Variants in KITLG observed in about 807,000 individuals in gnomAD.
The protein encoded by KITLG is c-Kit ligand.
In KITLG, 13 loss-of-function variants were observed where a neutral mutation model predicts 34.1. The ratio of observed to expected loss-of-function variants is 0.38; its 90% CI spans 0.25 to 0.61. KITLG has a LOEUF of 0.61. Ranked by LOEUF, KITLG falls within the 20% of genes least tolerant of loss-of-function variation. KITLG has a pLI of 0.60. For missense variants in KITLG, 292 were observed against 318.9 expected (o/e 0.92, Z 0.64); for synonymous variants, 110 against 104.0 (o/e 1.06, Z -0.35).
intron 2 of KITLG, among the ~76,000 whole-genome samples, chr12:88,536,352 A>G (rs1870316107): frequency 2.0e-5 from 3 of 152,092 alleles, no homozygotes; most frequent in African/African-American, 7.2e-5. Flanking sequence ...ATAAGACACC[A>G]TCTCATAGGG....
intron 6 of KITLG, among the ~76,000 whole-genome samples, chr12:88,510,878 C>T (rs1477636729): frequency 6.6e-6 from 1 of 152,176 alleles, no homozygotes; most frequent in East Asian, 1.9e-4. Flanking sequence ...CTTTGTGCTA[C>T]ACCTAAAAAC....
rs775862683 is a variant in KITLG at position 88,545,859 on chromosome 12, T to A, written c.22A>T (p.Ile8Phe). The A allele has an allele frequency of 6.2e-7, 1 of 1,601,136 alleles. No homozygotes were observed. Among genetic ancestry groups the A allele is most frequent in the Non-Finnish European group, 8.6e-7 (1 of 1,168,484 alleles). Residue 8 changes from isoleucine (I) to phenylalanine (F), a missense_variant, in exon 2 of 10, where the codon ATT becomes TTT. Ile to Phe is a conservative substitution (Grantham distance 21, BLOSUM62 0). Coordinates refer to ENST00000644744, the MANE Select transcript of KITLG (RefSeq NM_000899.5). MKKTQTW[I>F]LTCIYLQLLL... ...AGCTGAAGATAAATGCAAGTGAGAA[T>A]CCAAGTCTAAATGAAAACAGAAAAA...
chr12:88,544,125 T>C (rs1870621217), intron 2 of KITLG, among the ~76,000 whole-genome samples: 1 of 152,122 alleles, frequency 6.6e-6, no homozygotes, highest in African/African-American at 2.4e-5. Flanking sequence ...ACTGAGGCAC[T>C]TAGTATGGTT....
At chr12:88,538,851 A>G (rs906607727) in intron 2 of KITLG, among the ~76,000 whole-genome samples, 2 of 152,184 alleles carry the variant, frequency 1.3e-5, no homozygotes, top group Non-Finnish European at 2.9e-5. Context: ...TGTCAATACT[A>G]TGCCAGATTG....
chr12:88,544,121 G>A (rs1001016640), intron 2 of KITLG, among the ~76,000 whole-genome samples: 7 of 152,114 alleles, frequency 4.6e-5, no homozygotes, highest in South Asian at 2.1e-4. Flanking sequence ...CTGAACTGAG[G>A]CACTTAGTAT....
chr12:88,524,893 G>A (rs567369930), intron 3 of KITLG, among the ~76,000 whole-genome samples: 9 of 152,234 alleles, frequency 5.9e-5, no homozygotes, highest in South Asian at 2.1e-4. Flanking sequence ...TTTGGCTGAC[G>A]TCTATTTTTA....
intron 2 of KITLG, among the ~76,000 whole-genome samples, chr12:88,545,546 G>A (rs1351145056): frequency 6.6e-6 from 1 of 152,162 alleles, no homozygotes; most frequent in Non-Finnish European, 1.5e-5. Context: ...TGTGCAACTA[G>A]CCAGTTTTAC....
At position 88,543,927 on chromosome 12, in the gene KITLG, T is replaced by G. The variant is rs182139087; in HGVS notation, c.129+1825A>C. Among the ~76,000 whole-genome samples the G allele has an allele frequency of 7.3e-3, 1,107 of 152,286 alleles. 60 individuals are homozygous for G. Among genetic ancestry groups the G allele is most frequent in the Admixed American group, 0.067 (1,030 of 15,270 alleles). On this transcript the variant is annotated intron_variant, in intron 2 of 9. Coordinates refer to ENST00000644744, the MANE Select transcript of KITLG (RefSeq NM_000899.5). ...ACTAGGTCATCTCGCACAAGTTTACTATAACATTTTCTGTATGATCCTGCT... is the reference window on the plus strand; with the variant it reads ...ACTAGGTCATCTCGCACAAGTTTACGATAACATTTTCTGTATGATCCTGCT...
Position 88,493,977 on chromosome 12 carries a change from C to T in KITLG, c.*3242G>A, listed in dbSNP as rs1422623023. The T allele has an allele frequency of 1.3e-5, 2 of 151,912 alleles. No individual in the cohort carries two copies. The highest frequency in any genetic ancestry group is 6.6e-5 in the Admixed American group (1 of 15,212). 9.4% of individuals were successfully genotyped at this position (151,912 alleles called of 1,614,324 possible). Reference sequence around the variant, plus strand: ...GCAATGACTTTTTATGGTCAAGATACTTATTCACAGAATCCAGAGTTGGAT... The same window carrying T: ...GCAATGACTTTTTATGGTCAAGATATTTATTCACAGAATCCAGAGTTGGAT... On this transcript the variant is annotated 3_prime_UTR_variant, in exon 10 of 10. Transcript: ENST00000644744.
chr12:88,552,044 G>T (rs1168506727), intron 1 of KITLG, among the ~76,000 whole-genome samples: 1 of 152,054 alleles, frequency 6.6e-6, no homozygotes, highest in Non-Finnish European at 1.5e-5. Flanking sequence ...AAGAAATGTA[G>T]GCAGCTTCTA....
chr12:88,548,632 T>C (rs141774807), intron 1 of KITLG, among the ~76,000 whole-genome samples: 7 of 152,234 alleles, frequency 4.6e-5, no homozygotes, highest in African/African-American at 1.7e-4. Flanking sequence ...AGCAGCTTTT[T>C]AGGGATATGG....
chr12:88,545,944 T>C (rs1870705581), intron 1 of KITLG, 79 bp from the exon 2 acceptor site: 9 of 834,570 alleles, frequency 1.1e-5, no homozygotes, highest in Non-Finnish European at 1.7e-5. Flanking sequence ...TCTAATGCCT[T>C]GATGCACAAA....
chr12:88,547,812 A>G (rs1350990019), intron 1 of KITLG, among the ~76,000 whole-genome samples: 2 of 152,230 alleles, frequency 1.3e-5, no homozygotes, highest in Non-Finnish European at 2.9e-5. Flanking sequence ...TTGAATAAAT[A>G]CTAAAGAAAC....
intron 2 of KITLG, among the ~76,000 whole-genome samples, chr12:88,542,743 TTCTCACACCCCA>T (rs1312294137): frequency 6.6e-6 from 1 of 152,018 alleles, no homozygotes; most frequent in Non-Finnish European, 1.5e-5. Flanking sequence ...AACATTAGGG[TTCTCACACCCCA>T]TCTCCACAAG....
chr12:88,531,465 T>G (rs1252302422), intron 3 of KITLG, among the ~76,000 whole-genome samples: 1 of 152,202 alleles, frequency 6.6e-6, no homozygotes, highest in East Asian at 1.9e-4. Context: ...CTGTGATAGG[T>G]ATACAGATAT....
chr12:88,570,921 AC>A (rs2120983515), intron 1 of KITLG, among the ~76,000 whole-genome samples: 1 of 152,294 alleles, frequency 6.6e-6, no homozygotes, highest in Non-Finnish European at 1.5e-5. Flanking sequence ...AGCTGCTCTT[AC>A]TTCTTAAACA....
intron 1 of KITLG, among the ~76,000 whole-genome samples, chr12:88,571,783 T>C (rs947898591): frequency 6.6e-6 from 1 of 152,198 alleles, no homozygotes; most frequent in Non-Finnish European, 1.5e-5. Flanking sequence ...GCATTTGTTT[T>C]TGATTCAATG....
intron 4 of KITLG, 109 bp downstream of exon 4, chr12:88,518,588 A>G: frequency 1.2e-6 from 1 of 856,162 alleles, no homozygotes; most frequent in East Asian, 2.5e-5. Context: ...TGAAGTTTAT[A>G]CAATCAAAAT....
chr12:88,504,449 G>A (rs554412670), intron 9 of KITLG, among the ~76,000 whole-genome samples: 6 of 152,166 alleles, frequency 3.9e-5, no homozygotes, highest in South Asian at 2.1e-4. Context: ...AAAAGTGGGC[G>A]AAGGATATGA....
Sources: gnomAD v4.1 joint callset for allele counts (sites outside exome capture counted in the v4.1 genomes callset) on GRCh38, gnomAD v4.1.1 for gene constraint, MANE v1.5 for transcripts, NCBI Gene and HGNC (gene_info 2026-07-23, HGNC 2026-07-21) for gene names.